Variants in PLXNA2 observed in about 807,000 individuals in gnomAD.
PLXNA2 encodes plexin A2, also known as plexin-A2.
PLXNA2 carries 91 observed loss-of-function variants against 193.5 expected under a neutral mutation model. That is an observed-to-expected ratio of 0.47 (90% confidence interval 0.40 to 0.56). The LOEUF (loss-of-function observed/expected upper bound fraction) is 0.56, where lower values mean the gene tolerates loss of function less well. PLXNA2 is among the 20% of genes least tolerant of loss of function. PLXNA2 has a pLI of 0.00. For synonymous variants in PLXNA2, 997 were observed against 1,027.3 expected (o/e 0.97, Z 0.56); for missense variants, 1,995 against 2,503.2 (o/e 0.80, Z 4.33).
At chr1:208,089,667 A>C (rs1666647393) in intron 9 of PLXNA2, among the ~76,000 whole-genome samples, 1 of 152,190 alleles carries the variant, frequency 6.6e-6, no homozygotes, top group Non-Finnish European at 1.5e-5. Context: ...TAAATGTGTG[A>C]TATATTAATG....
intron 3 of PLXNA2, among the ~76,000 whole-genome samples, chr1:208,173,318 C>G (rs1365354652): frequency 6.6e-6 from 1 of 152,206 alleles, no homozygotes; most frequent in African/African-American, 2.4e-5. Flanking sequence ...TTGAAGGTCT[C>G]TTAAAAAGTC....
chr1:208,093,197 T>C (rs943614841), intron 8 of PLXNA2, among the ~76,000 whole-genome samples: 3 of 152,232 alleles, frequency 2.0e-5, no homozygotes, highest in Non-Finnish European at 2.9e-5. Context: ...TGCAAGCTGA[T>C]AGACATCATG....
In PLXNA2 at chr1:208,047,364, C is replaced by T. The variant is rs1226583044; in HGVS notation, c.3256-1247G>A. The stretch of plus-strand genomic sequence containing the variant: ...GGTTTTGACACAGAGTTCATGATAT[C>T]TTTTTTCTCTTGGAGGTCTCTGGTG... On this transcript the variant is annotated intron_variant, in intron 17 of 31. Coordinates refer to ENST00000367033, the MANE Select transcript of PLXNA2 (RefSeq NM_025179.4). Among the ~76,000 whole-genome samples, 28 of 152,238 alleles carry T rather than the reference C, an allele frequency of 1.8e-4. 1 individual carries two copies. Among genetic ancestry groups the T allele is most frequent in the Admixed American group, 1.8e-3 (28 of 15,292 alleles).
intron 1 of PLXNA2, among the ~76,000 whole-genome samples, chr1:208,243,388 G>A (rs929989574): frequency 6.6e-6 from 1 of 151,998 alleles, no homozygotes; most frequent in African/African-American, 2.4e-5. Flanking sequence ...TCGGGAAGCC[G>A]GCGGGCTGCC....
rs564997880 is a variant in PLXNA2 at position 208,210,607 on chromosome 1, C to T, written c.1189-145G>A. 2.7e-4 allele frequency: 168 copies of T among 631,636 alleles called. 1 individual carries two copies. The African/African-American group carries it at 2.8e-3, about 10-fold the overall frequency. 39.1% of individuals were successfully genotyped at this position (631,636 alleles called of 1,614,324 possible). ...AGTTCAGGGGCCCTAATACAAGCTG[C>T]AGACAAAAACTTCTCACCAGCTCAC... On this transcript the variant is annotated intron_variant, in intron 2 of 31. Transcript: ENST00000367033.
rs1272676141 is a variant in PLXNA2 at position 208,033,338 on chromosome 1, G to A, written c.5036C>T (p.Thr1679Ile). The change falls in exon 28 of 32, where the codon ACC (threonine) becomes ATC (isoleucine). Residue 1679 changes from threonine to isoleucine, a missense_variant. Thr to Ile is a moderately conservative substitution (Grantham distance 89). Coordinates refer to ENST00000367033, the MANE Select transcript of PLXNA2 (RefSeq NM_025179.4). ...GSKMVSEIYL[T>I]RLLATKGTLQ... ...AGTTACCTTGGTGGCCAGTAGCCGG[G>A]TCAGGTAGATCTCGGACACCATCTT... 1.9e-6 allele frequency: 3 copies of A among 1,613,294 alleles called. No homozygotes were observed. The highest frequency in any genetic ancestry group is 1.3e-5 in the African/African-American group (1 of 74,924).
At chr1:208,057,703 G>A (rs72739456) in intron 13 of PLXNA2, among the ~76,000 whole-genome samples, 3,803 of 152,222 alleles carry the variant, frequency 0.025, 115 homozygotes, top group East Asian at 0.11. Context: ...GACAATCGCT[G>A]GAGATGCCTA....
intron 4 of PLXNA2, among the ~76,000 whole-genome samples, chr1:208,118,734 C>A (rs781479459): frequency 3.4e-4 from 52 of 151,814 alleles, no homozygotes; most frequent in Non-Finnish European, 6.0e-4. Flanking sequence ...AGAAGAGAGA[C>A]AAAGATACAT....
At chr1:208,049,444 C>T (rs1341188423) in intron 17 of PLXNA2, among the ~76,000 whole-genome samples, 1 of 151,576 alleles carries the variant, frequency 6.6e-6, no homozygotes, top group Non-Finnish European at 1.5e-5. Context: ...GGCCTAGGCT[C>T]TTTTACCCAT....
chr1:208,220,365 CAATATAGA>C (rs1021850824), intron 1 of PLXNA2, among the ~76,000 whole-genome samples: 3 of 152,116 alleles, frequency 2.0e-5, no homozygotes, highest in African/African-American at 7.2e-5. Context: ...GTAAATGAGA[CAATATAGA>C]GACCAACCTC....
At chr1:208,030,825 T>C (rs951252067) in intron 29 of PLXNA2, 2 of 985,356 alleles carry the variant, frequency 2.0e-6, no homozygotes, top group African/African-American at 1.7e-5. Flanking sequence ...TGCCAGCTCT[T>C]GGCCGGGTCC....
At chr1:208,078,169 G>A (rs1334233488) in intron 12 of PLXNA2, among the ~76,000 whole-genome samples, 1 of 152,158 alleles carries the variant, frequency 6.6e-6, no homozygotes, top group Non-Finnish European at 1.5e-5. Flanking sequence ...TACAGTGGGG[G>A]TGAGAATACT....
Position 208,036,624 on chromosome 1 carries a change from G to GCAT in PLXNA2, c.4764+1744_4764+1746dup, listed in dbSNP as rs907478265. ...GTTGGTATTAGCGTTGCTATTATGAGCATCATCATCATCATCATCACAGTC... is the reference window on the plus strand; with the variant it reads ...GTTGGTATTAGCGTTGCTATTATGAGCATCATCATCATCATCATCATCACAGTC... On this transcript the variant is annotated intron_variant, in intron 26 of 31. Coordinates refer to ENST00000367033, the MANE Select transcript of PLXNA2 (RefSeq NM_025179.4). Among the ~76,000 whole-genome samples the GCAT allele has an allele frequency of 2.8e-4, 43 of 152,214 alleles. No individual in the cohort carries two copies. The East Asian group carries it at 3.7e-3, about 13-fold the overall frequency.
intron 4 of PLXNA2, among the ~76,000 whole-genome samples, chr1:208,122,501 T>C (rs1216900255): frequency 6.6e-6 from 1 of 152,344 alleles, no homozygotes; most frequent in East Asian, 1.9e-4. Context: ...AATTAAGTTC[T>C]GGACAGCTAT....
At chr1:208,061,500 C>T (rs558541618) in intron 12 of PLXNA2, among the ~76,000 whole-genome samples, 2 of 152,228 alleles carry the variant, frequency 1.3e-5, no homozygotes, top group Admixed American at 1.3e-4. Context: ...GGAGTAGAGA[C>T]TAGGTGTGGC....
chr1:208,022,889 G>A lies in PLXNA2; in HGVS notation c.*4354C>T, dbSNP rs1294779580. The A allele has an allele frequency of 6.6e-6, 1 of 152,144 alleles. No individual in the cohort carries two copies. The highest frequency in any genetic ancestry group is 1.5e-5 in the Non-Finnish European group (1 of 68,040). 9.4% of individuals were successfully genotyped at this position (152,144 alleles called of 1,614,324 possible). A position where few individuals can be genotyped will look rare whatever the true frequency, so the allele number is the denominator to read the frequency against. On this transcript the variant is annotated 3_prime_UTR_variant, in exon 32 of 32. Coordinates refer to ENST00000367033, the MANE Select transcript of PLXNA2 (RefSeq NM_025179.4). Reference sequence around the variant, plus strand: ...ATCTCCAGTTTGCTTATTGGGTGGAGGCCCTGTATGCCAAGCAGTGGCTGT... The same window carrying A: ...ATCTCCAGTTTGCTTATTGGGTGGAAGCCCTGTATGCCAAGCAGTGGCTGT...
In PLXNA2 at chr1:208,129,048, A is replaced by G. The variant is rs140333752; in HGVS notation, c.1506+13281T>C. Among the ~76,000 whole-genome samples the G allele has an allele frequency of 7.4e-3, 1,131 of 152,234 alleles. 13 individuals are homozygous for G. The highest frequency in any genetic ancestry group is 0.026 in the African/African-American group (1,068 of 41,534). Reference sequence around the variant, plus strand: ...CCAAATGCTGTGGTATCTCTTGGGGAGACAGAAGCAGCCCAGACAGGCAAG... The same window carrying G: ...CCAAATGCTGTGGTATCTCTTGGGGGGACAGAAGCAGCCCAGACAGGCAAG... On this transcript the variant is annotated intron_variant, in intron 4 of 31. Coordinates refer to ENST00000367033, the MANE Select transcript of PLXNA2 (RefSeq NM_025179.4).
chr1:208,062,054 G>A (rs936192892), intron 12 of PLXNA2, among the ~76,000 whole-genome samples: 3 of 152,152 alleles, frequency 2.0e-5, no homozygotes, highest in African/African-American at 7.2e-5. Flanking sequence ...GGGAGGGCAG[G>A]ATGGATGAAG....
chr1:208,216,689 A>G, intron 2 of PLXNA2, 46 bp downstream of exon 2: 1 of 1,570,698 alleles, frequency 6.4e-7, no homozygotes, highest in Non-Finnish European at 8.6e-7. Flanking sequence ...GAAGGTTGGA[A>G]CCTGTGTCAT....
Sources: gnomAD v4.1 joint callset for allele counts (sites outside exome capture counted in the v4.1 genomes callset) on GRCh38, gnomAD v4.1.1 for gene constraint, MANE v1.5 for transcripts, NCBI Gene and HGNC (gene_info 2026-07-23, HGNC 2026-07-21) for gene names.